SLC26A4: variants seen among roughly 807,000 people sequenced by gnomAD.
SLC26A4 encodes the protein solute carrier family 26 member 4.
SLC26A4 carries 93 observed loss-of-function variants against 90.4 expected under a neutral mutation model. That is an observed-to-expected ratio of 1.03 (90% confidence interval 0.87 to 1.22). The LOEUF is 1.22. SLC26A4 is among the 50% of genes most tolerant of loss of function. The pLI is 0.00. For missense variants in SLC26A4, 1,127 were observed against 946.2 expected, an observed-to-expected ratio of 1.19 and a Z score of -2.51; for synonymous variants, 393 against 354.6, an observed-to-expected ratio of 1.11 and a Z score of -1.22.
At chr7:107,708,775 G>A (rs1792100607) in intron 18 of SLC26A4, among the ~76,000 whole-genome samples, 1 of 149,534 alleles carries the variant, frequency 6.7e-6, no homozygotes, top group African/African-American at 2.5e-5. Flanking sequence ...TTGTGCCACA[G>A]AGCTGGTAAT....
At position 107,716,489 on chromosome 7, in the gene SLC26A4, G is replaced by A. The variant is rs1213308727; in HGVS notation, c.*1043G>A. 2 of 152,138 alleles carry A rather than the reference G, an allele frequency of 1.3e-5. No individual in the cohort carries two copies. Among genetic ancestry groups the A allele is most frequent in the Non-Finnish European group, 2.9e-5 (2 of 68,016 alleles). The allele number at this position is 152,138 out of a possible 1,614,324, so 9.4% of individuals were successfully genotyped here. On this transcript the variant is annotated 3_prime_UTR_variant, in exon 21 of 21. Coordinates refer to ENST00000644269, the MANE Select transcript of SLC26A4 (RefSeq NM_000441.2). ...TCTGTGTTTAAAGTGAATTTTTAAA[G>A]ACAAAGCATTCTAAATGAACTCAAT...
intron 4 of SLC26A4, among the ~76,000 whole-genome samples, chr7:107,672,810 G>C (rs1449157642): frequency 2.0e-5 from 3 of 152,176 alleles, no homozygotes; most frequent in Non-Finnish European, 2.9e-5. Flanking sequence ...CTTATAATAA[G>C]TTTTCCTGCT....
intron 20 of SLC26A4, 38 bp downstream of exon 20, chr7:107,712,660 C>T (rs1409122671): frequency 9.5e-7 from 1 of 1,056,558 alleles, no homozygotes; most frequent in African/African-American, 1.6e-5. Flanking sequence ...ATTTGAATTA[C>T]ATTTTGAATA....
In SLC26A4 at chr7:107,674,354, G is replaced by T; in HGVS notation, c.600+6G>T. 1 of 1,593,032 alleles carries T rather than the reference G, an allele frequency of 6.3e-7. No homozygotes were observed. Among genetic ancestry groups the T allele is most frequent in the South Asian group, 1.1e-5 (1 of 90,578 alleles). On this transcript the variant is annotated splice_donor_region_variant and intron_variant, in intron 5 of 20. Coordinates refer to ENST00000644269, the MANE Select transcript of SLC26A4 (RefSeq NM_000441.2). ...TGCTGGTTGGAATTATACAGGTAAT[G>T]AACTTACAAGTAAAATATAGATGGA...
At position 107,695,949 on chromosome 7, in the gene SLC26A4, C is replaced by A; in HGVS notation, c.1454C>A (p.Thr485Lys). The stretch of plus-strand genomic sequence containing the variant: ...TTTCCCTAGGTTATCTGGGTGTTTA[C>A]GTGTATAGTGTCCATCATTCTGGGG... ...NKIDAVIWVF[T>K]CIVSIILGLD... The change falls in exon 13 of 21, where the codon ACG becomes AAG. Residue 485 changes from threonine to lysine, a missense_variant. Physicochemically the swap from Thr to Lys is moderately conservative, Grantham distance 78 (BLOSUM62 -1). Coordinates refer to ENST00000644269, the MANE Select transcript of SLC26A4 (RefSeq NM_000441.2). 1 of 1,599,978 alleles carries A rather than the reference C, an allele frequency of 6.3e-7. No individual in the cohort carries two copies. Among genetic ancestry groups the A allele is most frequent in the Non-Finnish European group, 8.6e-7 (1 of 1,167,414 alleles).
intron 19 of SLC26A4, among the ~76,000 whole-genome samples, chr7:107,710,809 A>G: frequency 6.6e-6 from 1 of 152,200 alleles, no homozygotes; most frequent in Admixed American, 6.5e-5. Context: ...AGAGGTGAGC[A>G]TTCTGGTCTG....
Position 107,694,736 on chromosome 7 carries a change from T to C in SLC26A4, c.1437+20T>C. On this transcript the variant is annotated intron_variant, in intron 12 of 20. Transcript: ENST00000644269. ...GATGCTGTAAGTCACCTACCACCTA[T>C]ATTTATCTGAAATAAGATTTGGTTC... is the stretch of plus-strand genomic sequence containing the variant. 2 of 1,504,234 alleles carry C rather than the reference T, an allele frequency of 1.3e-6. No homozygotes were observed. Among genetic ancestry groups the C allele is most frequent in the Non-Finnish European group, 1.9e-6 (2 of 1,079,788 alleles). The allele number at this position is 1,504,234 out of a possible 1,614,324, so 93.2% of individuals were successfully genotyped here. A position where few individuals can be genotyped will look rare whatever the true frequency, so the allele number is the denominator to read the frequency against.
chr7:107,698,446 G>A (rs1348744491), intron 14 of SLC26A4, among the ~76,000 whole-genome samples: 1 of 151,936 alleles, frequency 6.6e-6, no homozygotes, highest in African/African-American at 2.4e-5. Flanking sequence ...GCCTCCGAGT[G>A]GCTGGGATTA....
intron 14 of SLC26A4, among the ~76,000 whole-genome samples, chr7:107,699,595 G>A (rs1791829639): frequency 6.6e-6 from 1 of 152,030 alleles, no homozygotes; most frequent in African/African-American, 2.4e-5. Context: ...AGACTGTAGA[G>A]GTCCAAGAGT....
chr7:107,691,399 G>C (rs1245845528), intron 10 of SLC26A4, among the ~76,000 whole-genome samples: 1 of 151,896 alleles, frequency 6.6e-6, no homozygotes, highest in Non-Finnish European at 1.5e-5. Flanking sequence ...CTACTTGGGA[G>C]GCTGAGGCAG....
rs112211967 is a variant in SLC26A4, at chr7:107,709,994, A to AAAAC, written c.2090-52_2090-49dup. On this transcript the variant is annotated intron_variant, in intron 18 of 20. Transcript: ENST00000644269. Reference sequence around the variant, plus strand: ...GGCAATAGAATGAGACTCTGTCTCAAAAACAAACAAAAATTTCTTTTCCTA... The same window carrying AAAAC: ...GGCAATAGAATGAGACTCTGTCTCAAAAACAAACAAACAAAAATTTCTTTTCCTA... 8.3e-3 allele frequency: 12,406 copies of AAAAC among 1,491,408 alleles called. 830 individuals are homozygous for AAAAC. In the African/African-American group the frequency reaches 0.15, roughly 18 times the overall value. The allele number at this position is 1,491,408 out of a possible 1,614,324, so 92.4% of individuals were successfully genotyped here.
chr7:107,692,059 G>T, intron 10 of SLC26A4: 1 of 1,289,256 alleles, frequency 7.8e-7, no homozygotes, highest in African/African-American at 1.5e-5. Flanking sequence ...CTCAAATGAG[G>T]CATGGGCTGG....
At position 107,679,846 on chromosome 7, in the gene SLC26A4, CTTATA is replaced by C. The variant is rs1288904044; in HGVS notation, c.766-3351_766-3347del. ...ATATAATCTTATATTATTATATAAT[CTTATA>C]TTATTATATTATATAATCTTATATT... On this transcript the variant is annotated intron_variant, in intron 6 of 20. Coordinates refer to ENST00000644269, the MANE Select transcript of SLC26A4 (RefSeq NM_000441.2). Among the ~76,000 whole-genome samples the C allele has an allele frequency of 1.0e-4, 9 of 89,122 alleles. No homozygotes were observed. In the East Asian group the frequency reaches 2.1e-3, roughly 21 times the overall value. 58.5% of individuals were successfully genotyped at this position (89,122 alleles called of 152,430 possible).
intron 6 of SLC26A4, among the ~76,000 whole-genome samples, chr7:107,679,849 ATAT>A (rs915938068): frequency 1.0e-4 from 9 of 87,380 alleles, no homozygotes; most frequent in African/African-American, 1.1e-4. Context: ...ATATAATCTT[ATAT>A]TATTATATTA....
chr7:107,677,671 T>C (rs143150251), intron 6 of SLC26A4, among the ~76,000 whole-genome samples: 2,675 of 151,588 alleles, frequency 0.018, 141 homozygotes, highest in Admixed American at 0.091. Context: ...AGTAGCACAG[T>C]CATAGCTCAC....
chr7:107,670,803 G>A (rs1320419232), intron 3 of SLC26A4, among the ~76,000 whole-genome samples: 1 of 152,136 alleles, frequency 6.6e-6, no homozygotes, highest in Admixed American at 6.5e-5. Flanking sequence ...AGGTAAAACG[G>A]AGTAAGATAT....
rs1057516243 is a variant in SLC26A4 at position 107,698,092 on chromosome 7, G to T, written c.1595G>T (p.Ser532Ile). The T allele has an allele frequency of 1.2e-6, 2 of 1,608,892 alleles. No homozygotes were observed. The highest frequency in any genetic ancestry group is 4.5e-5 in the East Asian group (2 of 44,820). The change falls in exon 14 of 21, where the codon AGT becomes ATT. Residue 532 changes from serine to isoleucine, a missense_variant. Transcript: ENST00000644269. ...GSIPSTDIYK[S>I]TKNYKNIEEP... is the part of the protein sequence containing the mutation. ...ATCCCTAGCACAGATATCTACAAAA[G>T]TACCAAGAATTACAAAAACGTAAGT... is the stretch of plus-strand genomic sequence containing the variant.
chr7:107,696,930 G>T (rs994775695), intron 13 of SLC26A4, among the ~76,000 whole-genome samples: 1 of 152,184 alleles, frequency 6.6e-6, no homozygotes, highest in Non-Finnish European at 1.5e-5. Flanking sequence ...CATCAAGATA[G>T]ATGTCTTCAG....
At chr7:107,686,718 G>A (rs935359997) in intron 8 of SLC26A4, among the ~76,000 whole-genome samples, 10 of 151,962 alleles carry the variant, frequency 6.6e-5, no homozygotes, top group African/African-American at 1.5e-4. Flanking sequence ...GACCTCAGGC[G>A]ATCTGCCTGC....
Sources: allele counts gnomAD v4.1 joint callset (sites outside exome capture counted in the v4.1 genomes callset), GRCh38; gene constraint gnomAD v4.1.1; transcripts MANE v1.5; gene names NCBI Gene and HGNC (gene_info 2026-07-23, HGNC 2026-07-21).